The following CYS1 variants were observed in gnomAD, a reference collection of about 807,000 sequenced individuals.
CYS1 encodes the protein cystin 1.
CYS1 carries 5 observed loss-of-function variants against 9.6 expected under a neutral mutation model. That is an observed-to-expected ratio of 0.52 (90% CI 0.27 to 1.10). The LOEUF is 1.10. CYS1 is among the 50% of genes least tolerant of loss of function. CYS1 has a pLI of 0.11. For synonymous variants in CYS1, 88 were observed against 95.7 expected (o/e 0.92, Z 0.47); for missense variants, 221 against 207.9 (o/e 1.06, Z -0.39).
chr2:10,059,401 T>G (rs893770183), intron 2 of CYS1, among the ~76,000 whole-genome samples: 2 of 152,214 alleles, frequency 1.3e-5, no homozygotes, highest in Non-Finnish European at 2.9e-5. Context: ...ACAGCCTTAA[T>G]CAATGGGAAT....
intron 2 of CYS1, among the ~76,000 whole-genome samples, chr2:10,059,865 G>C (rs925201789): frequency 6.6e-6 from 1 of 152,196 alleles, no homozygotes; most frequent in Admixed American, 6.5e-5. Flanking sequence ...GAGAGGGACC[G>C]AGACCAGAGC....
intron 1 of CYS1, among the ~76,000 whole-genome samples, chr2:10,066,732 C>T (rs1287955377): frequency 6.6e-6 from 1 of 152,150 alleles, no homozygotes; most frequent in Non-Finnish European, 1.5e-5. Context: ...GGGTTACGGC[C>T]CGAAGAAAAC....
At chr2:10,070,990 G>A (rs984617829) in intron 1 of CYS1, among the ~76,000 whole-genome samples, 12 of 150,930 alleles carry the variant, frequency 8.0e-5, no homozygotes, top group Admixed American at 2.6e-4. Flanking sequence ...GTTTTGAGAC[G>A]GAGTCTCGCT....
intron 1 of CYS1, among the ~76,000 whole-genome samples, chr2:10,070,127 A>G (rs1661745785): frequency 6.6e-6 from 1 of 152,172 alleles, no homozygotes; most frequent in East Asian, 1.9e-4. Context: ...GTGAACGCTC[A>G]GCAGGTGAGG....
At chr2:10,074,681 G>A (rs1012620023) in intron 1 of CYS1, among the ~76,000 whole-genome samples, 4 of 152,086 alleles carry the variant, frequency 2.6e-5, no homozygotes, top group East Asian at 1.9e-4. Flanking sequence ...AGAAAACTTC[G>A]CCTAGCTCCC....
intron 1 of CYS1, among the ~76,000 whole-genome samples, chr2:10,070,397 G>A (rs1572458431): frequency 6.6e-6 from 1 of 152,328 alleles, no homozygotes; most frequent in East Asian, 1.9e-4. Flanking sequence ...CCAGGCTGGA[G>A]TGCAGTGGCG....
At chr2:10,074,389 C>T (rs1661814914) in intron 1 of CYS1, among the ~76,000 whole-genome samples, 1 of 152,200 alleles carries the variant, frequency 6.6e-6, no homozygotes, top group Non-Finnish European at 1.5e-5. Context: ...CTCACCTCAC[C>T]TCCTCCTCCA....
intron 1 of CYS1, among the ~76,000 whole-genome samples, chr2:10,073,439 T>C (rs1173658475): frequency 2.0e-5 from 3 of 152,066 alleles, no homozygotes; most frequent in African/African-American, 7.2e-5. Flanking sequence ...GGCCCCAAAG[T>C]CCTCCGATGT....
In CYS1 at chr2:10,063,752, C is replaced by T. The variant is rs1036156397; in HGVS notation, c.371+2152G>A. On this transcript the variant is annotated intron_variant, in intron 2 of 2. Transcript: ENST00000381813. This position sits in a 1 kb window ranked among gnomAD's most constrained non-coding sequence, Gnocchi z 4.2. ...GCTGCCACGGGAGTCAGGTGTGTGC[C>T]GTGGGCAGCGAGAAGCACAGTGGGT... is the stretch of plus-strand genomic sequence containing the variant. Among the ~76,000 whole-genome samples the T allele has an allele frequency of 1.3e-5, 2 of 152,110 alleles. No individual in the cohort carries two copies. Among genetic ancestry groups the T allele is most frequent in the Admixed American group, 6.5e-5 (1 of 15,276 alleles).
chr2:10,062,256 C>T (rs1226299315), intron 2 of CYS1, among the ~76,000 whole-genome samples: 1 of 152,118 alleles, frequency 6.6e-6, no homozygotes, highest in Non-Finnish European at 1.5e-5. Flanking sequence ...AAAGACCTTT[C>T]CAAGGAAAAT....
intron 2 of CYS1, among the ~76,000 whole-genome samples, chr2:10,060,258 A>G (rs1158218849): frequency 6.6e-6 from 1 of 152,222 alleles, no homozygotes; most frequent in Non-Finnish European, 1.5e-5. Context: ...GCCACTTGCC[A>G]GACATTAGGG....
rs1054878317 is a variant in CYS1 at position 10,076,253 on chromosome 2, G to C, written c.318+3653C>G. Among the ~76,000 whole-genome samples the C allele has an allele frequency of 6.6e-6, 1 of 152,076 alleles. No homozygotes were observed. The highest frequency in any genetic ancestry group is 1.5e-5 in the Non-Finnish European group (1 of 68,012). On this transcript the variant is annotated intron_variant, in intron 1 of 2. Transcript: ENST00000381813. This position sits in a 1 kb window ranked among gnomAD's most constrained non-coding sequence, Gnocchi z 4.3. ...TTAAACCAAAATTTCTTCTCCAAGG[G>C]TTCCTTCAAATTTCACGAGGGCATC... is the stretch of plus-strand genomic sequence containing the variant.
At chr2:10,062,589 G>C (rs1558357109) in intron 2 of CYS1, among the ~76,000 whole-genome samples, 1 of 152,128 alleles carries the variant, frequency 6.6e-6, no homozygotes, top group East Asian at 1.9e-4. Context: ...TTTTAGTAGA[G>C]ATGGGGTTTC....
chr2:10,079,210 C>T (rs1661902347), intron 1 of CYS1, among the ~76,000 whole-genome samples: 2 of 152,098 alleles, frequency 1.3e-5, no homozygotes, highest in Non-Finnish European at 2.9e-5. Context: ...GTGCGGTAGC[C>T]ACCCAGGAAG....
rs898679069 is a variant in CYS1, at chr2:10,063,128, G to A, written c.371+2776C>T. On this transcript the variant is annotated intron_variant, in intron 2 of 2. Transcript: ENST00000381813. This position sits in a 1 kb window ranked among gnomAD's most constrained non-coding sequence, Gnocchi z 4.2. ...CTGGGGTCAAGGCCCACACGCCCCA[G>A]GCTGACATTAAACAATCCTGTCAAT... Among the ~76,000 whole-genome samples the A allele has an allele frequency of 6.6e-6, 1 of 152,232 alleles. No individual in the cohort carries two copies. The highest frequency in any genetic ancestry group is 1.5e-5 in the Non-Finnish European group (1 of 68,046).
intron 1 of CYS1, among the ~76,000 whole-genome samples, chr2:10,077,418 T>C (rs1219378687): frequency 6.6e-6 from 1 of 152,256 alleles, no homozygotes; most frequent in African/African-American, 2.4e-5. Context: ...AAAGAATAAC[T>C]TTCACTTGAG....
intron 1 of CYS1, among the ~76,000 whole-genome samples, chr2:10,069,611 C>G (rs1661738741): frequency 6.6e-6 from 1 of 152,286 alleles, no homozygotes; most frequent in East Asian, 1.9e-4. Flanking sequence ...TCATGATCCA[C>G]CTGCCTCAGC....
At chr2:10,061,651 G>C (rs1191954073) in intron 2 of CYS1, among the ~76,000 whole-genome samples, 1 of 152,240 alleles carries the variant, frequency 6.6e-6, no homozygotes, top group Non-Finnish European at 1.5e-5. Flanking sequence ...GGAGAAAGGA[G>C]AGCAGGGACT....
chr2:10,064,799 C>T (rs1184620408), intron 2 of CYS1, among the ~76,000 whole-genome samples: 2 of 152,022 alleles, frequency 1.3e-5, no homozygotes, highest in Non-Finnish European at 2.9e-5. Context: ...CTCACTGCAA[C>T]CTCCACCTCC....
Sources: gnomAD v4.1 joint callset for allele counts (sites outside exome capture counted in the v4.1 genomes callset) on GRCh38, gnomAD v4.1.1 for gene constraint, Gnocchi (gnomAD v3.1) non-coding constraint, MANE v1.5 for transcripts, NCBI Gene and HGNC (gene_info 2026-07-23, HGNC 2026-07-21) for gene names.